The following ERBB4 variants were observed in gnomAD, a reference collection of about 807,000 sequenced individuals.
The protein encoded by ERBB4 is erb-b2 receptor tyrosine kinase 4.
ERBB4 carries 42 observed loss-of-function variants against 158.0 expected under a neutral mutation model. That is an observed-to-expected ratio of 0.27 (90% confidence interval 0.21 to 0.34). The LOEUF (loss-of-function observed/expected upper bound fraction) is 0.34, where lower values mean the gene tolerates loss of function less well. ERBB4 is among the 10% of genes least tolerant of loss of function. ERBB4 has a pLI of 1.00. For synonymous variants in ERBB4, 583 were observed against 558.7 expected (o/e 1.04, Z -0.61); for missense variants, 1,333 against 1,624.1 (o/e 0.82, Z 3.08).
intron 3 of ERBB4, among the ~76,000 whole-genome samples, chr2:211,830,515 T>C (rs1419977582): frequency 3.3e-5 from 5 of 152,184 alleles, no homozygotes; most frequent in East Asian, 1.9e-4. Context: ...TTTATTTCTA[T>C]GTTTGATCTT....
intron 3 of ERBB4, among the ~76,000 whole-genome samples, chr2:211,915,990 T>C (rs1243695626): frequency 6.6e-6 from 1 of 151,928 alleles, no homozygotes; most frequent in South Asian, 2.1e-4. Flanking sequence ...CTTTTAATAG[T>C]AAACTAAATT....
intron 2 of ERBB4, among the ~76,000 whole-genome samples, chr2:212,091,268 A>G (rs2125493199): frequency 6.6e-6 from 1 of 152,100 alleles, no homozygotes; most frequent in African/African-American, 2.4e-5. Flanking sequence ...ATCTTTTTCC[A>G]AAATTCAAGT....
intron 20 of ERBB4, among the ~76,000 whole-genome samples, chr2:211,527,629 A>C (rs978368417): frequency 3.3e-5 from 5 of 152,126 alleles, no homozygotes; most frequent in Non-Finnish European, 7.4e-5. Context: ...GCAATCAAAA[A>C]TAATAACTAC....
At chr2:211,995,234 A>G (rs1218671631) in intron 2 of ERBB4, among the ~76,000 whole-genome samples, 4 of 152,174 alleles carry the variant, frequency 2.6e-5, no homozygotes. Context: ...TTAATTTCTC[A>G]GTTCATTTTT....
chr2:211,636,468 T>C (rs901207437), intron 16 of ERBB4, among the ~76,000 whole-genome samples: 1 of 152,010 alleles, frequency 6.6e-6, no homozygotes, highest in East Asian at 1.9e-4. Context: ...TTTACATTCA[T>C]AGTATCTAAT....
At chr2:211,575,906 T>C (rs1237215047) in intron 19 of ERBB4, among the ~76,000 whole-genome samples, 1 of 152,158 alleles carries the variant, frequency 6.6e-6, no homozygotes, top group Non-Finnish European at 1.5e-5. Flanking sequence ...TTCACATATT[T>C]TTATCTCCTC....
At chr2:212,513,400 G>A in intron 1 of ERBB4, among the ~76,000 whole-genome samples, 1 of 152,150 alleles carries the variant, frequency 6.6e-6, no homozygotes, top group Non-Finnish European at 1.5e-5. Flanking sequence ...TATTTACAGC[G>A]AGTGAAATGT....
intron 19 of ERBB4, among the ~76,000 whole-genome samples, chr2:211,562,938 A>C (rs748321325): frequency 2.6e-5 from 4 of 151,764 alleles, no homozygotes; most frequent in Non-Finnish European, 5.9e-5. Context: ...CGCCCGGCTA[A>C]TGTTTTGTAT....
chr2:212,477,866 A>G (rs1689484480), intron 1 of ERBB4, among the ~76,000 whole-genome samples: 1 of 152,136 alleles, frequency 6.6e-6, no homozygotes, highest in Non-Finnish European at 1.5e-5. Flanking sequence ...TGAGGACAGG[A>G]AACAGATAAT....
intron 1 of ERBB4, among the ~76,000 whole-genome samples, chr2:212,346,508 A>AAAATATATTTAAAACATGAAATGTTTT (rs2089007845): frequency 1.3e-5 from 2 of 152,176 alleles, no homozygotes; most frequent in African/African-American, 4.8e-5. Context: ...AAAATGTTTT[A>AAAATATATTTAAAACATGAAATGTTTT]AAATATATTT....
At chr2:211,442,738 T>TAC (rs2064015098) in intron 20 of ERBB4, among the ~76,000 whole-genome samples, 1 of 151,642 alleles carries the variant, frequency 6.6e-6, no homozygotes, top group Non-Finnish European at 1.5e-5. Flanking sequence ...TATGTGTATA[T>TAC]ATATATGAAT....
At chr2:212,218,427 GTGTT>G (rs779088476) in intron 1 of ERBB4, among the ~76,000 whole-genome samples, 8 of 151,270 alleles carry the variant, frequency 5.3e-5, no homozygotes, top group East Asian at 1.9e-4. Flanking sequence ...GTTTGTTTGT[GTGTT>G]TGTTTGTTTG....
intron 19 of ERBB4, among the ~76,000 whole-genome samples, chr2:211,616,356 C>T (rs1029703055): frequency 6.6e-6 from 1 of 152,076 alleles, no homozygotes; most frequent in Non-Finnish European, 1.5e-5. Flanking sequence ...AGTCCTTCAC[C>T]TCCAAAATAA....
intron 1 of ERBB4, among the ~76,000 whole-genome samples, chr2:212,458,739 C>A (rs1040242359): frequency 2.0e-5 from 3 of 151,676 alleles, no homozygotes; most frequent in African/African-American, 7.3e-5. Context: ...CTACTGTGGG[C>A]AACAAATAAG....
intron 3 of ERBB4, among the ~76,000 whole-genome samples, chr2:211,867,142 A>AATTCCATAC (rs2078230850): frequency 6.6e-6 from 1 of 152,050 alleles, no homozygotes; most frequent in African/African-American, 2.4e-5. Flanking sequence ...AATGGCAACT[A>AATTCCATAC]ATTCCATACA....
chr2:212,153,829 T>C (rs905580846), intron 1 of ERBB4, among the ~76,000 whole-genome samples: 1 of 152,168 alleles, frequency 6.6e-6, no homozygotes, highest in African/African-American at 2.4e-5. Context: ...GCGAATGTTA[T>C]ATATGAAACC....
chr2:211,923,416 C>T (rs1177558029), intron 3 of ERBB4, among the ~76,000 whole-genome samples: 1 of 151,956 alleles, frequency 6.6e-6, no homozygotes, highest in Non-Finnish European at 1.5e-5. Context: ...AAAATGATGA[C>T]CAAATGTGCA....
intron 16 of ERBB4, among the ~76,000 whole-genome samples, chr2:211,638,652 C>T (rs1033957732): frequency 9.9e-5 from 15 of 152,090 alleles, no homozygotes; most frequent in Non-Finnish European, 1.3e-4. Flanking sequence ...TTTTTTGACT[C>T]GGCTTTATGT....
At chr2:211,959,359 G>A (rs2081118423) in intron 2 of ERBB4, among the ~76,000 whole-genome samples, 1 of 152,026 alleles carries the variant, frequency 6.6e-6, no homozygotes, top group South Asian at 2.1e-4. Context: ...ACAATAACTT[G>A]CAAGTGAATG....
Sources: allele counts gnomAD v4.1 joint callset (sites outside exome capture counted in the v4.1 genomes callset), GRCh38; gene constraint gnomAD v4.1.1; transcripts MANE v1.5; gene names NCBI Gene and HGNC (gene_info 2026-07-23, HGNC 2026-07-21).